The following GSN variants were observed in gnomAD, a reference collection of about 807,000 sequenced individuals.
GSN encodes gelsolin, also known as actin-depolymerizing factor.
GSN carries 56 observed loss-of-function variants against 85.7 expected under a neutral mutation model. That is an observed-to-expected ratio of 0.65 (90% CI 0.53 to 0.82). The LOEUF is 0.82. Among genes scored for constraint, GSN ranks in the 40% least tolerant of loss-of-function variants. The pLI is 0.00. For missense variants in GSN, 857 were observed against 979.8 expected (o/e 0.87, Z 1.67); for synonymous variants, 373 against 399.1 (o/e 0.93, Z 0.78).
In GSN at chr9:121,329,063, G is replaced by T; in HGVS notation, c.1887+48G>T. The T allele has an allele frequency of 6.2e-7, 1 of 1,608,428 alleles. No individual in the cohort carries two copies. Among genetic ancestry groups the T allele is most frequent in the Non-Finnish European group, 8.5e-7 (1 of 1,177,938 alleles). ...CCTCTGCTTTCCCCTCGGGAGGCGAGTTCCACAGGACTGGCCGGCAGCAGG... is the reference window on the plus strand; with the variant it reads ...CCTCTGCTTTCCCCTCGGGAGGCGATTTCCACAGGACTGGCCGGCAGCAGG... On this transcript the variant is annotated intron_variant, in intron 15 of 17. Transcript: ENST00000432226. The surrounding 1 kb of genome is among the most constrained non-coding windows in gnomAD (Gnocchi z 4.6).
chr9:121,291,043 A>G (rs941425701), intron 2 of GSN, among the ~76,000 whole-genome samples: 2 of 152,132 alleles, frequency 1.3e-5, no homozygotes, highest in Non-Finnish European at 2.9e-5. Context: ...ACCACAGATC[A>G]GAAATATTAA....
In GSN at chr9:121,327,491, C is replaced by T. The variant is rs113710160; in HGVS notation, c.1762+9C>T. On this transcript the variant is annotated intron_variant, in intron 14 of 17. Coordinates refer to ENST00000432226, the MANE Select transcript of GSN (RefSeq NM_198252.3). ...AGAAGGCAGCGAGCCAGGTAGGAGC[C>T]GGGGTGGGGGGCCTGCTGCTGTCCG... 76 of 1,555,754 alleles carry T rather than the reference C, an allele frequency of 4.9e-5. 1 individual carries two copies. In the African/African-American group the frequency reaches 6.2e-4, roughly 13 times the overall value.
At chr9:121,275,061 G>A (rs2056500482) in intron 1 of GSN, among the ~76,000 whole-genome samples, 2 of 152,226 alleles carry the variant, frequency 1.3e-5, no homozygotes, top group Admixed American at 1.3e-4. Context: ...TTCTTCAGGA[G>A]CATCTGAAGC....
chr9:121,282,039 C>T (rs1032305037), intron 2 of GSN: 31 of 475,564 alleles, frequency 6.5e-5, no homozygotes, highest in African/African-American at 4.8e-4. Context: ...CATGGGGAAG[C>T]GGATGAGTCA....
intron 4 of GSN, among the ~76,000 whole-genome samples, chr9:121,307,690 C>T (rs2060563980): frequency 6.6e-6 from 1 of 152,248 alleles, no homozygotes; most frequent in African/African-American, 2.4e-5. Flanking sequence ...GGTGCCCCAG[C>T]TTTGGCAAAG....
At chr9:121,211,677 T>A (rs1418254213) in intron 4 of GSN, among the ~76,000 whole-genome samples, 9 of 151,984 alleles carry the variant, frequency 5.9e-5, no homozygotes, top group Admixed American at 5.9e-4. Flanking sequence ...TCAATTTTCC[T>A]ATCTGGAATG....
Position 121,328,948 on chromosome 9 carries a change from A to C in GSN, c.1820A>C (p.Lys607Thr), listed in dbSNP as rs1455727437. The C allele has an allele frequency of 1.2e-5, 19 of 1,613,844 alleles. No homozygotes were observed. Among genetic ancestry groups the C allele is most frequent in the Non-Finnish European group, 1.5e-5 (18 of 1,180,030 alleles). Residue 607 changes from lysine (K) to threonine (T), a missense_variant, in exon 15 of 18, where the codon AAG becomes ACG. Physicochemically the swap from Lys to Thr is moderately conservative, Grantham distance 78. Transcript: ENST00000432226. The part of the protein sequence containing the change: ...KAAYRTSPRL[K>T]DKKMDAHPPR... Reference sequence around the variant, plus strand: ...GCCTACCGCACATCCCCACGGCTGAAGGACAAGAAGATGGATGCCCATCCT... The same window carrying C: ...GCCTACCGCACATCCCCACGGCTGACGGACAAGAAGATGGATGCCCATCCT...
At chr9:121,236,980 G>A (rs1020471788) in intron 5 of GSN, among the ~76,000 whole-genome samples, 2 of 152,172 alleles carry the variant, frequency 1.3e-5, no homozygotes, top group African/African-American at 2.4e-5. Context: ...AATGTAGAAT[G>A]GCTATAGGTT....
chr9:121,227,657 C>T (rs1354489062), intron 4 of GSN, among the ~76,000 whole-genome samples: 1 of 152,150 alleles, frequency 6.6e-6, no homozygotes, highest in African/African-American at 2.4e-5. Flanking sequence ...AGTAAGAGGA[C>T]ACCTAGCAGA....
Position 121,259,235 on chromosome 9 carries a change from A to G in GSN, c.-340-5919A>G, listed in dbSNP as rs183543507. 5.3e-5 allele frequency among the ~76,000 whole-genome samples: 8 copies of G among 152,338 alleles called. 1 individual carries two copies. Among genetic ancestry groups the G allele is most frequent in the Admixed American group, 3.3e-4 (5 of 15,302 alleles). On this transcript the variant is annotated intron_variant, in intron 6 of 24. Transcript: ENST00000373823. ...CAACCCAGTAATGAAATCATTACAA[A>G]TAACCATCACTTACAAGGGAATTAA...
rs192182584 is a variant in GSN at position 121,240,678 on chromosome 9, G to T, written c.-388-7598G>T. Among the ~76,000 whole-genome samples the T allele has an allele frequency of 3.8e-3, 581 of 152,294 alleles. 3 individuals carry two copies. Among genetic ancestry groups the T allele is most frequent in the African/African-American group, 0.013 (545 of 41,560 alleles). ...GTGGGATCAAGTGACGGACAATCCT[G>T]CTAGGGCCTCATGGGGTAGAGGAGG... On this transcript the variant is annotated intron_variant, in intron 5 of 24. Transcript: ENST00000373823.
chr9:121,265,046 C>G (rs1261083292), upstream of GSN: 1 of 152,188 alleles, frequency 6.6e-6, no homozygotes, highest in Non-Finnish European at 1.5e-5. Flanking sequence ...ATCCTGAGGC[C>G]CAGCTGCACC....
rs764305490 is a variant in GSN at position 121,326,550 on chromosome 9, G to A, written c.1455G>A (p.Met485Ile). ...VVQGKEPAHL[M>I]SLFGGKPMII... ...AAGGCAAGGAGCCCGCCCACCTCATGAGCCTGTTTGGTGGGAAGCCCATGA... is the reference window on the plus strand; with the variant it reads ...AAGGCAAGGAGCCCGCCCACCTCATAAGCCTGTTTGGTGGGAAGCCCATGA... The change falls in exon 13 of 18, where the codon ATG (methionine) becomes ATA (isoleucine). Residue 485 changes from methionine to isoleucine, a missense_variant. By Grantham distance (10) the Met-to-Ile change is conservative. Coordinates refer to ENST00000432226, the MANE Select transcript of GSN (RefSeq NM_198252.3). 6 of 1,614,036 alleles carry A rather than the reference G, an allele frequency of 3.7e-6. No individual in the cohort carries two copies. Among genetic ancestry groups the A allele is most frequent in the Admixed American group, 1.7e-5 (1 of 60,032 alleles).
intron 11 of GSN, 119 bp downstream of exon 11, chr9:121,321,520 G>A: frequency 1.1e-6 from 1 of 924,922 alleles, no homozygotes; most frequent in South Asian, 1.6e-5. Flanking sequence ...TGCTGGGAGA[G>A]GCTTTTGTCC....
chr9:121,282,289 G>T (rs905401326), intron 2 of GSN: 1 of 600,988 alleles, frequency 1.7e-6, no homozygotes, highest in Non-Finnish European at 3.0e-6. Context: ...GATGCCAAAG[G>T]GCTTTGTGAC....
chr9:121,299,896 G>T lies in GSN; in HGVS notation c.-9-2067G>T. On this transcript the variant is annotated intron_variant, in intron 2 of 17. Transcript: ENST00000432226. This position sits in a 1 kb window ranked among gnomAD's most constrained non-coding sequence, Gnocchi z 4.2. ...CACCGCCCCGCGCCCGCGCTGCTTT[G>T]CGCGCTGTCCCTGGCGCTGTGCGCG... The T allele has an allele frequency of 7.6e-7, 1 of 1,317,784 alleles. No individual in the cohort carries two copies. Among genetic ancestry groups the T allele is most frequent in the South Asian group, 2.0e-5 (1 of 49,012 alleles). The allele number at this position is 1,317,784 out of a possible 1,614,324, so 81.6% of individuals were successfully genotyped here.
At chr9:121,219,303 G>T (rs1455999576) in intron 4 of GSN, among the ~76,000 whole-genome samples, 2 of 148,274 alleles carry the variant, frequency 1.3e-5, no homozygotes, top group Admixed American at 6.7e-5. Flanking sequence ...TCACCATGTT[G>T]CCCAGGCTGG....
At chr9:121,214,710 C>T (rs1016673810) in intron 4 of GSN, among the ~76,000 whole-genome samples, 2 of 152,170 alleles carry the variant, frequency 1.3e-5, no homozygotes, top group African/African-American at 2.4e-5. Flanking sequence ...CAAGGTCTCA[C>T]GAGCTAACCC....
intron 4 of GSN, among the ~76,000 whole-genome samples, chr9:121,307,663 T>C (rs770947656): frequency 1.3e-5 from 2 of 152,230 alleles, no homozygotes; most frequent in Non-Finnish European, 2.9e-5. Context: ...AGGACTTCAT[T>C]GCATGCACTT....
Sources: gnomAD v4.1 joint callset for allele counts (sites outside exome capture counted in the v4.1 genomes callset) on GRCh38, gnomAD v4.1.1 for gene constraint, Gnocchi (gnomAD v3.1) non-coding constraint, MANE v1.5 for transcripts, NCBI Gene and HGNC (gene_info 2026-07-23, HGNC 2026-07-21) for gene names.